ATP10D: variants seen among roughly 807,000 people sequenced by gnomAD.
ATP10D encodes the protein ATPase phospholipid transporting 10D (putative), also known as phospholipid-transporting ATPase VD.
A neutral mutation model predicts 144.8 loss-of-function variants in ATP10D; 89 were observed. That is an observed-to-expected ratio of 0.61 (90% CI 0.52 to 0.73). The LOEUF is 0.73. ATP10D is among the 30% of genes least tolerant of loss of function. The pLI is 0.00. For synonymous variants in ATP10D, 571 were observed against 615.1 expected (o/e 0.93, Z 1.06); for missense variants, 1,603 against 1,714.8 (o/e 0.93, Z 1.15).
chr4:47,495,143 C>T (rs1287134271), intron 1 of ATP10D, among the ~76,000 whole-genome samples: 1 of 152,130 alleles, frequency 6.6e-6, no homozygotes, highest in African/African-American at 2.4e-5. Context: ...ATACACTAAA[C>T]TATGTTGAAC....
intron 10 of ATP10D, among the ~76,000 whole-genome samples, chr4:47,550,001 G>A (rs766023827): frequency 4.0e-5 from 6 of 151,684 alleles, no homozygotes; most frequent in Non-Finnish European, 8.8e-5. Flanking sequence ...AGTGGGGAGG[G>A]GGTGGTGGCA....
chr4:47,488,538 A>G (rs1714889647), intron 1 of ATP10D, among the ~76,000 whole-genome samples: 1 of 151,270 alleles, frequency 6.6e-6, no homozygotes. Flanking sequence ...ATATTCCAAA[A>G]TCTTTTAAAG....
intron 16 of ATP10D, among the ~76,000 whole-genome samples, chr4:47,571,249 A>T (rs1315538132): frequency 6.7e-6 from 1 of 149,384 alleles, no homozygotes; most frequent in Non-Finnish European, 1.5e-5. Context: ...AGATAACATA[A>T]TTATAACATA....
At position 47,563,659 on chromosome 4, in the gene ATP10D, T is replaced by A; in HGVS notation, c.2747T>A (p.Ile916Asn). 6.2e-6 allele frequency: 10 copies of A among 1,614,044 alleles called. No individual in the cohort carries two copies. Among genetic ancestry groups the A allele is most frequent in the Non-Finnish European group, 8.5e-6 (10 of 1,179,988 alleles). Residue 916 changes from isoleucine to asparagine, a missense_variant, in exon 15 of 23, where the codon ATC becomes AAC. Coordinates refer to ENST00000273859, the MANE Select transcript of ATP10D (RefSeq NM_020453.4). ...IEALHKAGIK[I>N]WMLTGDKQET... is the part of the protein sequence containing the mutation. ...GCTCTTCACAAAGCGGGCATCAAGATCTGGATGCTGACAGGGGACAAGCAG... is the reference window on the plus strand; with the variant it reads ...GCTCTTCACAAAGCGGGCATCAAGAACTGGATGCTGACAGGGGACAAGCAG...
chr4:47,573,693 T>C (rs1307373907), intron 18 of ATP10D, among the ~76,000 whole-genome samples: 1 of 152,196 alleles, frequency 6.6e-6, no homozygotes, highest in Non-Finnish European at 1.5e-5. Flanking sequence ...GGGGTAATTA[T>C]GTAAATATCA....
Position 47,535,999 on chromosome 4 carries a change from G to T in ATP10D, c.981G>T (p.Met327Ile), listed in dbSNP as rs1009918347. The T allele has an allele frequency of 6.2e-7, 1 of 1,612,952 alleles. No homozygotes were observed. Among genetic ancestry groups the T allele is most frequent in the Non-Finnish European group, 8.5e-7 (1 of 1,179,210 alleles). Residue 327 changes from methionine to isoleucine, a missense_variant, in exon 7 of 23, where the codon ATG becomes ATT. Met to Ile is a conservative substitution (Grantham distance 10). Transcript: ENST00000273859. ...RANTDVLWCV[M>I]LLVIMCLTGA... ...ACACAGATGTCCTCTGGTGTGTCAT[G>T]CTTCTGGTCATAATGTGCTTAACTG...
At chr4:47,532,673 T>C (rs898944816) in intron 5 of ATP10D, among the ~76,000 whole-genome samples, 2 of 152,228 alleles carry the variant, frequency 1.3e-5, no homozygotes, top group Non-Finnish European at 2.9e-5. Flanking sequence ...ATTGAGATGC[T>C]TAAGCTACCT....
chr4:47,555,780 G>A (rs1360541321), intron 11 of ATP10D, among the ~76,000 whole-genome samples: 1 of 150,796 alleles, frequency 6.6e-6, no homozygotes, highest in Non-Finnish European at 1.5e-5. Flanking sequence ...CTTGGAGACA[G>A]TCTTACCCTG....
intron 3 of ATP10D, among the ~76,000 whole-genome samples, chr4:47,521,009 A>G (rs1049473953): frequency 2.0e-5 from 3 of 152,168 alleles, no homozygotes; most frequent in Non-Finnish European, 4.4e-5. Flanking sequence ...TCTTTATTAT[A>G]CAGGACTCCT....
rs532846681 is a variant in ATP10D, at chr4:47,580,352, A to G, written c.3568-46A>G. 13 of 1,427,570 alleles carry G rather than the reference A, an allele frequency of 9.1e-6. No individual in the cohort carries two copies. In the East Asian group the frequency reaches 3.0e-4, roughly 33 times the overall value. 88.4% of individuals were successfully genotyped at this position (1,427,570 alleles called of 1,614,324 possible). On this transcript the variant is annotated intron_variant, in intron 19 of 22. Coordinates refer to ENST00000273859, the MANE Select transcript of ATP10D (RefSeq NM_020453.4). ...TGGCTTGTGTTGTTTCTTTTCTTGG[A>G]CCCTTGTTAATCTTACTACCTCCCC...
intron 18 of ATP10D, among the ~76,000 whole-genome samples, chr4:47,573,871 C>T (rs1161676782): frequency 5.4e-5 from 7 of 129,800 alleles, no homozygotes; most frequent in Non-Finnish European, 1.1e-4. Context: ...CATGTATGTC[C>T]ATCAGTAGGA....
At chr4:47,565,875 A>AT (rs1243538611) in intron 15 of ATP10D, among the ~76,000 whole-genome samples, 1 of 152,150 alleles carries the variant, frequency 6.6e-6, no homozygotes, top group Non-Finnish European at 1.5e-5. Context: ...AGTACCTATA[A>AT]TTTTTTTGCT....
At chr4:47,566,665 T>G (rs1164231072) in intron 15 of ATP10D, among the ~76,000 whole-genome samples, 3 of 152,214 alleles carry the variant, frequency 2.0e-5, no homozygotes, top group Non-Finnish European at 4.4e-5. Context: ...ATTCTCCTTA[T>G]TTGTAGAGTT....
At chr4:47,518,231 CT>C (rs1218012445) in intron 3 of ATP10D, among the ~76,000 whole-genome samples, 1 of 152,004 alleles carries the variant, frequency 6.6e-6, no homozygotes, top group Non-Finnish European at 1.5e-5. Context: ...TAATTTGGTT[CT>C]TTTTTGTAGT....
At chr4:47,567,733 T>G (rs1719717273) in intron 15 of ATP10D, among the ~76,000 whole-genome samples, 1 of 152,214 alleles carries the variant, frequency 6.6e-6, no homozygotes, top group African/African-American at 2.4e-5. Context: ...ATCAAATTCA[T>G]TCCTAAAATG....
chr4:47,530,785 G>A (rs1040804894), intron 5 of ATP10D, among the ~76,000 whole-genome samples: 14 of 152,120 alleles, frequency 9.2e-5, no homozygotes, highest in Non-Finnish European at 1.6e-4. Context: ...TGTCTATGTG[G>A]TGAATCACAT....
At chr4:47,542,170 C>G (rs2109430110) in intron 9 of ATP10D, among the ~76,000 whole-genome samples, 1 of 151,966 alleles carries the variant, frequency 6.6e-6, no homozygotes, top group East Asian at 1.9e-4. Flanking sequence ...GATCTCAGCT[C>G]ACTGCAGCCT....
intron 1 of ATP10D, among the ~76,000 whole-genome samples, chr4:47,499,660 T>C (rs1715576675): frequency 6.6e-6 from 1 of 152,182 alleles, no homozygotes. Flanking sequence ...GAGAAGAAAA[T>C]TTATTTAAAA....
At chr4:47,583,913 T>G (rs1318198486) in intron 21 of ATP10D, among the ~76,000 whole-genome samples, 1 of 152,180 alleles carries the variant, frequency 6.6e-6, no homozygotes, top group African/African-American at 2.4e-5. Flanking sequence ...CTGAACTGGC[T>G]CCATTTATTT....
Sources: allele counts gnomAD v4.1 joint callset (sites outside exome capture counted in the v4.1 genomes callset), GRCh38; gene constraint gnomAD v4.1.1; transcripts MANE v1.5; gene names NCBI Gene and HGNC (gene_info 2026-07-23, HGNC 2026-07-21).